Variants in METTL15 observed in about 807,000 individuals in gnomAD.
METTL15 encodes the protein 12S rRNA N(4)-cytidine methyltransferase METTL15.
In METTL15, 34 loss-of-function variants were observed where a neutral mutation model predicts 38.3. The observed-to-expected ratio is 0.89, with a 90% CI of 0.68 to 1.18. The LOEUF (loss-of-function observed/expected upper bound fraction) is 1.18. Among genes scored for constraint, METTL15 ranks in the 50% most tolerant of loss-of-function variants. The probability of loss-of-function intolerance (pLI) is 0.00; values close to 1 mark genes in which losing one functional copy is unlikely to be tolerated. For synonymous variants in METTL15, 162 were observed against 170.9 expected (o/e 0.95, Z 0.41); for missense variants, 438 against 498.4 (o/e 0.88, Z 1.15).
At chr11:28,202,356 C>T (rs556299231) in intron 3 of METTL15, among the ~76,000 whole-genome samples, 57 of 152,154 alleles carry the variant, frequency 3.7e-4, no homozygotes, top group African/African-American at 1.3e-3. Flanking sequence ...TACCCTCCTC[C>T]AGTTTAGTCC....
chr11:28,508,134 G>A (rs911363446), intron 6 of METTL15, among the ~76,000 whole-genome samples: 7 of 151,418 alleles, frequency 4.6e-5, no homozygotes, highest in Admixed American at 6.6e-5. Context: ...CTTATTTCCT[G>A]CTCAGAGCCC....
intron 6 of METTL15, among the ~76,000 whole-genome samples, chr11:28,505,370 C>T (rs920644460): frequency 2.6e-5 from 4 of 152,148 alleles, no homozygotes; most frequent in Non-Finnish European, 4.4e-5. Flanking sequence ...CCAAGCAGGA[C>T]GATTTACTGA....
chr11:28,381,035 G>T (rs1159802457), intron 5 of METTL15, among the ~76,000 whole-genome samples: 2 of 152,068 alleles, frequency 1.3e-5, no homozygotes, highest in Admixed American at 1.3e-4. Context: ...CTGTCATCTA[G>T]GCGGAAGTCC....
chr11:28,157,777 C>T (rs932465353), intron 3 of METTL15, among the ~76,000 whole-genome samples: 2 of 152,178 alleles, frequency 1.3e-5, no homozygotes. Context: ...GGTCCCCACT[C>T]CTGCCACCCA....
intron 3 of METTL15, among the ~76,000 whole-genome samples, chr11:28,187,948 T>G (rs1037647993): frequency 1.1e-4 from 17 of 151,426 alleles, no homozygotes; most frequent in Middle Eastern, 3.4e-3. Context: ...GAGATTATAG[T>G]GCTTGAGAAT....
At chr11:28,318,293 A>G (rs912693773) in intron 6 of METTL15, among the ~76,000 whole-genome samples, 1 of 152,174 alleles carries the variant, frequency 6.6e-6, no homozygotes, top group African/African-American at 2.4e-5. Flanking sequence ...AAAGTAAGAA[A>G]AGATCTCTGG....
At chr11:28,224,151 G>A (rs1254371051) in intron 4 of METTL15, among the ~76,000 whole-genome samples, 1 of 151,778 alleles carries the variant, frequency 6.6e-6, no homozygotes, top group Non-Finnish European at 1.5e-5. Flanking sequence ...CGGGGTTAGT[G>A]ATTTTACGTT....
intron 6 of METTL15, among the ~76,000 whole-genome samples, chr11:28,509,952 A>G (rs1212827132): frequency 6.6e-6 from 1 of 152,096 alleles, no homozygotes; most frequent in Non-Finnish European, 1.5e-5. Context: ...CTAAGTAGTA[A>G]AAGAGTTACT....
intron 3 of METTL15, among the ~76,000 whole-genome samples, chr11:28,348,409 T>G (rs1430110410): frequency 6.6e-6 from 1 of 152,208 alleles, no homozygotes; most frequent in Non-Finnish European, 1.5e-5. Context: ...ACCCTATCAG[T>G]CAGGCTGGAG....
chr11:28,479,753 T>G (rs1390443844), intron 6 of METTL15, among the ~76,000 whole-genome samples: 1 of 152,184 alleles, frequency 6.6e-6, no homozygotes, highest in Non-Finnish European at 1.5e-5. Context: ...AATCATCAGC[T>G]GTATCAAAAA....
intron 4 of METTL15, among the ~76,000 whole-genome samples, chr11:28,231,481 A>T (rs1853683416): frequency 6.6e-6 from 1 of 151,862 alleles, no homozygotes; most frequent in Non-Finnish European, 1.5e-5. Flanking sequence ...TCTTATGGTA[A>T]AATTCTTACA....
At chr11:28,113,637 TG>T (rs750476738) in intron 3 of METTL15, 33 bp downstream of exon 3, 1 of 1,594,474 alleles carries the variant, frequency 6.3e-7, no homozygotes, top group Non-Finnish European at 8.5e-7. Context: ...AGCAAGTTTT[TG>T]TTGAGATAAA....
In METTL15 at chr11:28,387,646, A is replaced by G. The variant is rs1044420232; in HGVS notation, c.*358+25610A>G. ...AAAAATTAACACCAGTGTTTCTGAA[A>G]CTCTTTCAAAAAACTGAAGAGGAAG... On this transcript the variant is annotated intron_variant and NMD_transcript_variant, in intron 5 of 7. Transcript: ENST00000532947. Among the ~76,000 whole-genome samples, 5 of 151,914 alleles carry G rather than the reference A, an allele frequency of 3.3e-5. No individual in the cohort carries two copies. The South Asian group carries it at 6.2e-4, about 19-fold the overall frequency.
intron 3 of METTL15, among the ~76,000 whole-genome samples, chr11:28,128,479 ATAC>A (rs1852595724): frequency 6.6e-6 from 1 of 152,156 alleles, no homozygotes; most frequent in Non-Finnish European, 1.5e-5. Context: ...TGTATGTTAT[ATAC>A]ATTTATTTTC....
At chr11:28,512,378 G>A (rs1325801628) in intron 6 of METTL15, among the ~76,000 whole-genome samples, 1 of 152,220 alleles carries the variant, frequency 6.6e-6, no homozygotes, top group Non-Finnish European at 1.5e-5. Flanking sequence ...GCACCGTGGA[G>A]CAGGGAGCAG....
chr11:28,477,660 T>C (rs1200967689), intron 6 of METTL15: 1 of 152,178 alleles, frequency 6.6e-6, no homozygotes, highest in African/African-American at 2.4e-5. Context: ...ATACACTGTC[T>C]ATTTAAAGAC....
intron 6 of METTL15, among the ~76,000 whole-genome samples, chr11:28,318,608 A>C (rs1849352269): frequency 6.6e-6 from 1 of 152,198 alleles, no homozygotes; most frequent in South Asian, 2.1e-4. Flanking sequence ...AGCTTTAAAT[A>C]AAACAAAAAT....
At chr11:28,191,291 A>G (rs536085316) in intron 3 of METTL15, among the ~76,000 whole-genome samples, 1 of 151,276 alleles carries the variant, frequency 6.6e-6, no homozygotes, top group African/African-American at 2.4e-5. Context: ...AAGGTAATTT[A>G]AATTACCCTT....
At chr11:28,238,929 A>G (rs557182449) in intron 4 of METTL15, among the ~76,000 whole-genome samples, 2 of 152,104 alleles carry the variant, frequency 1.3e-5, no homozygotes, top group East Asian at 3.9e-4. Context: ...ATAGTTGACT[A>G]TTTCCTATTC....
Sources: gnomAD v4.1 joint callset for allele counts (sites outside exome capture counted in the v4.1 genomes callset) on GRCh38, gnomAD v4.1.1 for gene constraint, MANE v1.5 for transcripts, NCBI Gene and HGNC (gene_info 2026-07-23, HGNC 2026-07-21) for gene names.